The following SGCD variants were observed in gnomAD, a reference collection of about 807,000 sequenced individuals.
SGCD encodes delta-sarcoglycan.
Under a neutral mutation model 36.6 loss-of-function variants are expected in SGCD, and 18 were observed. The ratio of observed to expected loss-of-function variants is 0.49; its 90% CI spans 0.34 to 0.73. SGCD has a LOEUF of 0.73. SGCD is among the 30% of genes least tolerant of loss of function. The probability of loss-of-function intolerance (pLI) is 0.01; values close to 1 mark genes in which losing one functional copy is unlikely to be tolerated. For synonymous variants in SGCD, 133 were observed against 130.6 expected, an observed-to-expected ratio of 1.02 and a Z score of -0.12; for missense variants, 387 against 346.7, an observed-to-expected ratio of 1.12 and a Z score of -0.92.
chr5:156,746,339 G>A (rs528738976), intron 7 of SGCD, among the ~76,000 whole-genome samples: 14 of 152,166 alleles, frequency 9.2e-5, no homozygotes, highest in Non-Finnish European at 1.9e-4. Flanking sequence ...AAACAAAACT[G>A]GGGGCTTACC....
chr5:156,685,843 A>G (rs919714093), intron 7 of SGCD, among the ~76,000 whole-genome samples: 3 of 152,200 alleles, frequency 2.0e-5, no homozygotes, highest in African/African-American at 7.2e-5. Context: ...TGAATAAAAA[A>G]CACTTTAGTG....
chr5:156,110,346 G>A (rs10042085), intron 1 of SGCD, among the ~76,000 whole-genome samples: 68,914 of 152,012 alleles, frequency 0.45, 17,429 homozygotes, highest in African/African-American at 0.69. Context: ...TGACCTCTAT[G>A]AGGCTTTATT....
At chr5:156,307,406 G>A (rs1457536775) in intron 3 of SGCD, among the ~76,000 whole-genome samples, 2 of 152,126 alleles carry the variant, frequency 1.3e-5, no homozygotes, top group Non-Finnish European at 2.9e-5. Context: ...AAATCAGACA[G>A]CATAACATTA....
rs117810957 is a variant in SGCD, at chr5:156,429,894, A to T, written c.193-78707A>T. ...GTTTCTTGTGAGAAATCTGCTTTTA[A>T]TCTGATAGGTTTTCCTTTGTAGGTT... is the stretch of plus-strand genomic sequence containing the variant. On this transcript the variant is annotated intron_variant, in intron 3 of 8. Transcript: ENST00000337851. Among the ~76,000 whole-genome samples, 17 of 152,206 alleles carry T rather than the reference A, an allele frequency of 1.1e-4. No individual in the cohort carries two copies. The East Asian group carries it at 2.7e-3, about 24-fold the overall frequency.
At chr5:156,470,966 C>CTT (rs546954725) in intron 3 of SGCD, among the ~76,000 whole-genome samples, 2,934 of 151,160 alleles carry the variant, frequency 0.019, 32 homozygotes, top group Non-Finnish European at 0.032. Context: ...CCTAAGCCTT[C>CTT]TTTTTTTTTG....
At chr5:156,343,663 T>C (rs767403084) in intron 2 of SGCD, among the ~76,000 whole-genome samples, 1 of 152,198 alleles carries the variant, frequency 6.6e-6, no homozygotes, top group Admixed American at 6.5e-5. Context: ...CCTTCCTTAT[T>C]CTAAAGGGCA....
At chr5:156,097,025 T>C (rs1761395098) in intron 1 of SGCD, among the ~76,000 whole-genome samples, 3 of 152,144 alleles carry the variant, frequency 2.0e-5, no homozygotes, top group Admixed American at 2.0e-4. Flanking sequence ...AAAAATGTGC[T>C]ACTTTCTTTT....
At chr5:156,398,777 A>G (rs1298493477) in intron 3 of SGCD, among the ~76,000 whole-genome samples, 2 of 152,176 alleles carry the variant, frequency 1.3e-5, no homozygotes, top group African/African-American at 4.8e-5. Context: ...GAGGACTTCT[A>G]GGGTAACCTT....
chr5:156,280,092 C>T (rs78732872), intron 3 of SGCD, among the ~76,000 whole-genome samples: 2,126 of 151,998 alleles, frequency 0.014, 23 homozygotes, highest in Non-Finnish European at 0.024. Context: ...TCCCTTTTCC[C>T]AAATAAGATG....
intron 1 of SGCD, among the ~76,000 whole-genome samples, chr5:155,993,259 G>C (rs1420106045): frequency 6.7e-6 from 1 of 150,310 alleles, no homozygotes; most frequent in African/African-American, 2.5e-5. Flanking sequence ...GGACCTGTTT[G>C]TATCAGCTTC....
chr5:156,271,071 C>A (rs1295514337), intron 3 of SGCD, among the ~76,000 whole-genome samples: 2 of 152,094 alleles, frequency 1.3e-5, no homozygotes, highest in Non-Finnish European at 2.9e-5. Context: ...CTAATAGAGG[C>A]GTTTTGGAAA....
chr5:156,745,325 C>T (rs377105914), intron 7 of SGCD, among the ~76,000 whole-genome samples: 23 of 152,206 alleles, frequency 1.5e-4, no homozygotes, highest in African/African-American at 5.3e-4. Context: ...TAACTTCAAA[C>T]TGGCCTTCAC....
chr5:156,019,331 T>C (rs1759050688), intron 1 of SGCD, among the ~76,000 whole-genome samples: 1 of 152,180 alleles, frequency 6.6e-6, no homozygotes, highest in African/African-American at 2.4e-5. Flanking sequence ...GTTGACAGAA[T>C]TAACATATTA....
chr5:155,958,565 C>T (rs1251957280), intron 1 of SGCD, among the ~76,000 whole-genome samples: 5 of 152,102 alleles, frequency 3.3e-5, no homozygotes, highest in Non-Finnish European at 7.4e-5. Flanking sequence ...AGAAAAAGAA[C>T]ATCACTCATT....
intron 3 of SGCD, among the ~76,000 whole-genome samples, chr5:156,186,638 T>C (rs531451573): frequency 5.9e-5 from 9 of 152,172 alleles, no homozygotes; most frequent in South Asian, 4.2e-4. Context: ...CAACTATGAG[T>C]TTTTCCTGGA....
chr5:156,520,983 C>T lies in SGCD; in HGVS notation c.294+12281C>T, dbSNP rs564034489. On this transcript the variant is annotated intron_variant, in intron 4 of 8. Coordinates refer to ENST00000337851, the MANE Select transcript of SGCD (RefSeq NM_000337.6). The stretch of plus-strand genomic sequence containing the variant: ...AGTGAGTCGAGATTGTGCCACTGCA[C>T]ACCAGCCTGAGTGACAGAGCGAGAC... Among the ~76,000 whole-genome samples the T allele has an allele frequency of 1.6e-4, 21 of 129,026 alleles. No homozygotes were observed. In the South Asian group the frequency reaches 3.9e-3, roughly 24 times the overall value. The allele number at this position is 129,026 out of a possible 152,430, so 84.6% of individuals were successfully genotyped here.
intron 1 of SGCD, among the ~76,000 whole-genome samples, chr5:155,936,642 GCAC>G (rs915155204): frequency 3.3e-5 from 5 of 152,326 alleles, no homozygotes; most frequent in African/African-American, 1.2e-4. Context: ...CCCAGAAAAA[GCAC>G]CACAAGTTCC....
intron 3 of SGCD, among the ~76,000 whole-genome samples, chr5:156,506,014 C>T (rs1756679262): frequency 6.6e-6 from 1 of 152,014 alleles, no homozygotes; most frequent in African/African-American, 2.4e-5. Context: ...ACAGCATAAC[C>T]CCACAGAAAG....
chr5:156,445,225 T>C (rs760869301), intron 3 of SGCD, among the ~76,000 whole-genome samples: 5 of 152,060 alleles, frequency 3.3e-5, no homozygotes, highest in Non-Finnish European at 1.5e-5. Flanking sequence ...TGTCGATGAG[T>C]GTGTGTATAC....
Sources: gnomAD v4.1 joint callset for allele counts (sites outside exome capture counted in the v4.1 genomes callset) on GRCh38, gnomAD v4.1.1 for gene constraint, MANE v1.5 for transcripts, NCBI Gene and HGNC (gene_info 2026-07-23, HGNC 2026-07-21) for gene names.